SPAG6: variants seen among roughly 807,000 people sequenced by gnomAD.
The protein encoded by SPAG6 is sperm-associated antigen 6.
Under a neutral mutation model 58.5 loss-of-function variants are expected in SPAG6, and 49 were observed. That is an observed-to-expected ratio of 0.84 (90% CI 0.67 to 1.06). SPAG6 has a LOEUF of 1.06. Ranked by LOEUF, SPAG6 falls within the 50% of genes least tolerant of loss-of-function variation. SPAG6 has a pLI of 0.00. For missense variants in SPAG6, 560 were observed against 611.3 expected, an observed-to-expected ratio of 0.92 and a Z score of 0.89; for synonymous variants, 233 against 225.6, an observed-to-expected ratio of 1.03 and a Z score of -0.29.
In SPAG6 at chr10:22,365,582, C is replaced by T. The variant is rs190909017; in HGVS notation, c.288+563C>T. Among the ~76,000 whole-genome samples the T allele has an allele frequency of 4.0e-3, 605 of 152,162 alleles. 2 individuals carry two copies. The highest frequency in any genetic ancestry group is 6.5e-3 in the Non-Finnish European group (441 of 67,980). ...TACCACTTTCTTTTTCTATACAATG[C>T]CAGCTATTTGGTTTTCACAGTAGTT... On this transcript the variant is annotated intron_variant, in intron 3 of 10. Coordinates refer to ENST00000376624, the MANE Select transcript of SPAG6 (RefSeq NM_012443.4).
In SPAG6 at chr10:22,386,734, T is replaced by A; in HGVS notation, c.473-20T>A. The stretch of plus-strand genomic sequence containing the variant: ...GGTCAGTCACCCATACTCACTTAAT[T>A]ACTTTTCTTGGACCCACAGAACTGT... On this transcript the variant is annotated intron_variant, in intron 4 of 10. Coordinates refer to ENST00000376624, the MANE Select transcript of SPAG6 (RefSeq NM_012443.4). 1 of 1,606,038 alleles carries A rather than the reference T, an allele frequency of 6.2e-7. No individual in the cohort carries two copies. The highest frequency in any genetic ancestry group is 8.5e-7 in the Non-Finnish European group (1 of 1,172,766).
chr10:22,391,646 T>C, intron 7 of SPAG6, 83 bp from the exon 8 acceptor site: 1 of 1,273,270 alleles, frequency 7.9e-7, no homozygotes, highest in Non-Finnish European at 1.1e-6. Flanking sequence ...CCGAAGTGAT[T>C]TCTTCTCATG....
At chr10:22,349,461 G>A (rs1836658455) in intron 2 of SPAG6, among the ~76,000 whole-genome samples, 1 of 152,124 alleles carries the variant, frequency 6.6e-6, no homozygotes, top group African/African-American at 2.4e-5. Flanking sequence ...TAAAATTTCA[G>A]CAATTGGAGG....
intron 2 of SPAG6, among the ~76,000 whole-genome samples, chr10:22,363,798 G>C (rs189988936): frequency 6.6e-6 from 1 of 152,124 alleles, no homozygotes; most frequent in Non-Finnish European, 1.5e-5. Flanking sequence ...ATTTGCTTTT[G>C]TGTATAACTA....
At position 22,389,198 on chromosome 10, in the gene SPAG6, C is replaced by A; in HGVS notation, c.891C>A (p.Ala297=). The part of the protein sequence containing the change: ...QLVVNAGGVA[A]VIDCIGSCKG... ...TAGTTAACGCAGGAGGGGTTGCTGC[C>A]GTGATTGACTGCATTGGGTCCTGCA... Residue 297 remains alanine, a synonymous_variant, in exon 7 of 11, where the codon GCC becomes GCA. Transcript: ENST00000376624. 6.2e-7 allele frequency: 1 copy of A among 1,613,380 alleles called. No homozygotes were observed. The highest frequency in any genetic ancestry group is 8.5e-7 in the Non-Finnish European group (1 of 1,179,698).
At chr10:22,408,857 G>A (rs917869918) in intron 9 of SPAG6, among the ~76,000 whole-genome samples, 18 of 151,454 alleles carry the variant, frequency 1.2e-4, no homozygotes, top group East Asian at 3.9e-4. Flanking sequence ...TTTTTAAGCC[G>A]ATTGGAAAAG....
intron 2 of SPAG6, among the ~76,000 whole-genome samples, chr10:22,355,245 T>A (rs2132034880): frequency 6.6e-6 from 1 of 152,306 alleles, no homozygotes; most frequent in Non-Finnish European, 1.5e-5. Context: ...AGCATCTACC[T>A]CATTGGATTG....
intron 9 of SPAG6, among the ~76,000 whole-genome samples, chr10:22,407,716 A>G (rs1377102625): frequency 1.3e-5 from 2 of 152,104 alleles, no homozygotes; most frequent in African/African-American, 4.8e-5. Flanking sequence ...TCTCCTGGAT[A>G]ATATCCTGCA....
chr10:22,383,959 G>A (rs1834012642), intron 4 of SPAG6, among the ~76,000 whole-genome samples: 1 of 152,176 alleles, frequency 6.6e-6, no homozygotes, highest in African/African-American at 2.4e-5. Flanking sequence ...AGAGAGGAAG[G>A]AATTATATCA....
intron 3 of SPAG6, among the ~76,000 whole-genome samples, chr10:22,366,422 T>C (rs1837204199): frequency 6.6e-6 from 1 of 152,180 alleles, no homozygotes; most frequent in African/African-American, 2.4e-5. Flanking sequence ...GAATGGGAAT[T>C]GACTGCTTTA....
At chr10:22,369,663 G>C (rs1304930514) in intron 4 of SPAG6, among the ~76,000 whole-genome samples, 1 of 152,116 alleles carries the variant, frequency 6.6e-6, no homozygotes, top group Non-Finnish European at 1.5e-5. Context: ...CTCATCTGTG[G>C]AAGAGGATGA....
chr10:22,366,970 C>T (rs545238109), intron 3 of SPAG6, among the ~76,000 whole-genome samples: 1 of 151,644 alleles, frequency 6.6e-6, no homozygotes, highest in South Asian at 2.1e-4. Context: ...GAGATTTAAT[C>T]TCCTCTTTAT....
intron 9 of SPAG6, among the ~76,000 whole-genome samples, chr10:22,405,401 G>T (rs1393331092): frequency 2.0e-5 from 3 of 151,296 alleles, no homozygotes; most frequent in Admixed American, 2.0e-4. Flanking sequence ...TAATCATGTG[G>T]TTTTTGTCTT....
At chr10:22,373,625 G>C (rs1197626241) in intron 4 of SPAG6, among the ~76,000 whole-genome samples, 1 of 152,110 alleles carries the variant, frequency 6.6e-6, no homozygotes, top group Non-Finnish European at 1.5e-5. Flanking sequence ...CTACAACCTG[G>C]TAATTAAAAA....
At chr10:22,402,285 A>T (rs562365094) in intron 9 of SPAG6, among the ~76,000 whole-genome samples, 17 of 151,610 alleles carry the variant, frequency 1.1e-4, no homozygotes, top group Middle Eastern at 3.4e-3. Flanking sequence ...TAAAAGATTT[A>T]AAAAAAAATG....
chr10:22,387,828 G>C lies in SPAG6; in HGVS notation c.684G>C (p.Gln228His). The C allele has an allele frequency of 1.9e-6, 3 of 1,607,976 alleles. No homozygotes were observed. The highest frequency in any genetic ancestry group is 2.5e-6 in the Non-Finnish European group (3 of 1,178,072). ...GTTTTTTTTTTGCTTCACAGCATCA[G>C]ATCCTTTCAGCTCTCAGTCAGGTTT... is the stretch of plus-strand genomic sequence containing the variant. The part of the protein sequence containing the change: ...ILNPDAKLKH[Q>H]ILSALSQVSK... Residue 228 changes from glutamine to histidine, a missense_variant, in exon 6 of 11, where the codon CAG becomes CAC. By Grantham distance (24) the Gln-to-His change is conservative. Coordinates refer to ENST00000376624, the MANE Select transcript of SPAG6 (RefSeq NM_012443.4).
chr10:22,416,666 G>A lies in SPAG6; in HGVS notation c.1508G>A (p.Ser503Asn). The change falls in exon 11 of 11, where the codon AGC (serine) becomes AAC (asparagine). Residue 503 changes from serine (S) to asparagine (N), a missense_variant. Physicochemically the swap from Ser to Asn is conservative, Grantham distance 46. Transcript: ENST00000376624. ...YSDTLLQRVD[S>N]YQPLNN ...GATACACTTCTGCAGAGGGTGGACA[G>A]CTATCAACCACTTAATAACTGAGCA... 6.2e-7 allele frequency: 1 copy of A among 1,608,438 alleles called. No homozygotes were observed. The highest frequency in any genetic ancestry group is 8.5e-7 in the Non-Finnish European group (1 of 1,175,270).
chr10:22,399,719 C>T (rs1834368529), intron 8 of SPAG6, among the ~76,000 whole-genome samples: 1 of 152,160 alleles, frequency 6.6e-6, no homozygotes, highest in Non-Finnish European at 1.5e-5. Flanking sequence ...CTTGACAATA[C>T]ATCAACTTAG....
In SPAG6 at chr10:22,368,528, C is replaced by T. The variant is rs779459381; in HGVS notation, c.322C>T (p.Arg108Ter). 6.2e-5 allele frequency: 100 copies of T among 1,613,762 alleles called. No individual in the cohort carries two copies. Among genetic ancestry groups the T allele is most frequent in the Non-Finnish European group, 6.6e-5 (78 of 1,179,912 alleles). The change falls in exon 4 of 11, where the codon CGA (arginine) becomes TGA (stop). Residue 108 changes from arginine to a stop codon, truncating the protein, a stop_gained. Transcript: ENST00000376624. LOFTEE classifies it high-confidence loss of function. ...FYKKAAAFVL[R>*]AVGKHSPQLA... is the part of the protein sequence containing the mutation. ...CAAGAAAGCAGCTGCCTTTGTGTTA[C>T]GAGCAGTTGGTAAACATTCTCCCCA...
Sources: gnomAD v4.1 joint callset for allele counts (sites outside exome capture counted in the v4.1 genomes callset) on GRCh38, gnomAD v4.1.1 for gene constraint, MANE v1.5 for transcripts, NCBI Gene and HGNC (gene_info 2026-07-23, HGNC 2026-07-21) for gene names.